The following PROS1 variants were observed in gnomAD, a reference collection of about 807,000 sequenced individuals.
The protein encoded by PROS1 is vitamin K-dependent protein S.
A neutral mutation model predicts 75.9 loss-of-function variants in PROS1; 29 were observed. The ratio of observed to expected loss-of-function variants is 0.38; its 90% CI spans 0.28 to 0.52. PROS1 has a LOEUF of 0.52. PROS1 is among the 20% of genes least tolerant of loss of function. The pLI, the probability that PROS1 is intolerant of heterozygous loss-of-function variation, is 0.83. For synonymous variants in PROS1, 245 were observed against 280.6 expected (o/e 0.87, Z 1.27); for missense variants, 680 against 810.3 (o/e 0.84, Z 1.95).
At chr3:93,884,595 T>G in intron 12 of PROS1, 133 bp downstream of exon 12, 2 of 1,033,252 alleles carry the variant, frequency 1.9e-6, no homozygotes, top group Non-Finnish European at 2.8e-6. Flanking sequence ...TATATAATAG[T>G]ATGAATAAGC....
At chr3:93,957,658 A>T (rs1354964151) in intron 1 of PROS1, among the ~76,000 whole-genome samples, 1 of 152,208 alleles carries the variant, frequency 6.6e-6, no homozygotes, top group Non-Finnish European at 1.5e-5. Flanking sequence ...TCAAAACACT[A>T]CATTGTACCC....
chr3:93,967,192 C>T (rs1314771439), intron 1 of PROS1, among the ~76,000 whole-genome samples: 1 of 152,134 alleles, frequency 6.6e-6, no homozygotes, highest in Non-Finnish European at 1.5e-5. Context: ...ATTGCTATTC[C>T]TCGAGCTGCT....
chr3:93,910,719 C>T lies in PROS1; in HGVS notation c.260-14G>A. 7.5e-6 allele frequency: 12 copies of T among 1,596,350 alleles called. No homozygotes were observed. Among genetic ancestry groups the T allele is most frequent in the Non-Finnish European group, 1.0e-5 (12 of 1,166,154 alleles). On this transcript the variant is annotated splice_polypyrimidine_tract_variant and intron_variant, in intron 3 of 14. Coordinates refer to ENST00000394236, the MANE Select transcript of PROS1 (RefSeq NM_000313.4). ...AGCGAAGACAAACTGAAAATAAAAA[C>T]AAACATAATCTTCTTAGAGTAGACA... is the stretch of plus-strand genomic sequence containing the variant.
At position 93,874,199 on chromosome 3, in the gene PROS1, A is replaced by G. The variant is rs539591634; in HGVS notation, c.*46T>C. 13 of 1,602,496 alleles carry G rather than the reference A, an allele frequency of 8.1e-6. No homozygotes were observed. In the East Asian group the frequency reaches 2.5e-4, roughly 30 times the overall value. ...CTTCAGCTGTTATTGAAACATAAGT[A>G]TAATTACACACAAGGAAAAGGTATT... On this transcript the variant is annotated 3_prime_UTR_variant, in exon 15 of 15. Coordinates refer to ENST00000394236, the MANE Select transcript of PROS1 (RefSeq NM_000313.4).
rs13080445 is a variant in PROS1, at chr3:93,927,081, C to T, written c.234+169G>A. Among the ~76,000 whole-genome samples, 10,622 of 152,278 alleles carry T rather than the reference C, an allele frequency of 0.07. 456 individuals are homozygous for T. Among genetic ancestry groups the T allele is most frequent in the Middle Eastern group, 0.19 (57 of 294 alleles). On this transcript the variant is annotated intron_variant, in intron 2 of 14. Coordinates refer to ENST00000394236, the MANE Select transcript of PROS1 (RefSeq NM_000313.4). Reference sequence around the variant, plus strand: ...GGTGATCATGTCTGCCTAACAAGCCCACTTTCCTTTGAAGGTACTTCCTCC... The same window carrying T: ...GGTGATCATGTCTGCCTAACAAGCCTACTTTCCTTTGAAGGTACTTCCTCC...
chr3:93,935,415 T>G (rs960466043), intron 1 of PROS1, among the ~76,000 whole-genome samples: 3 of 152,210 alleles, frequency 2.0e-5, no homozygotes, highest in African/African-American at 7.2e-5. Flanking sequence ...AATGTTTTGT[T>G]TTTGTTCTAT....
chr3:93,920,703 T>C (rs1708934403), intron 3 of PROS1, among the ~76,000 whole-genome samples: 1 of 152,178 alleles, frequency 6.6e-6, no homozygotes, highest in Non-Finnish European at 1.5e-5. Flanking sequence ...TTCTCAACCA[T>C]AAAGAAACTA....
chr3:93,937,003 T>C (rs951415332), intron 1 of PROS1, among the ~76,000 whole-genome samples: 8 of 152,200 alleles, frequency 5.3e-5, no homozygotes, highest in Non-Finnish European at 8.8e-5. Flanking sequence ...GGAAAGCTGA[T>C]GAGAACCTGT....
intron 1 of PROS1, among the ~76,000 whole-genome samples, chr3:93,948,568 CAT>C (rs1709442673): frequency 1.3e-5 from 2 of 152,110 alleles, no homozygotes; most frequent in Admixed American, 1.3e-4. Flanking sequence ...AGCCAATAAA[CAT>C]ATGATGTAAT....
intron 1 of PROS1, among the ~76,000 whole-genome samples, chr3:93,955,661 C>T (rs560559336): frequency 3.3e-5 from 5 of 151,320 alleles, no homozygotes; most frequent in Non-Finnish European, 5.9e-5. Flanking sequence ...ACCAACATGG[C>T]ACATGTATAC....
intron 6 of PROS1, among the ~76,000 whole-genome samples, chr3:93,903,900 G>A (rs1708634164): frequency 6.6e-6 from 1 of 151,512 alleles, no homozygotes; most frequent in Admixed American, 6.6e-5. Flanking sequence ...GTGCCATGCT[G>A]GCACGCTGCA....
chr3:93,892,269 G>T (rs1708440796), intron 10 of PROS1, among the ~76,000 whole-genome samples: 1 of 151,996 alleles, frequency 6.6e-6, no homozygotes, highest in Admixed American at 6.6e-5. Context: ...GGTGGAGGTT[G>T]CAGTGAGGCA....
rs138048429 is a variant in PROS1, at chr3:93,894,442, G to T, written c.966-1320C>A. ...TTCATAATTATCTGAGCATTTTGCT[G>T]ATGTGAAGCAATATTATCTTGCCAA... On this transcript the variant is annotated intron_variant, in intron 9 of 14. Coordinates refer to ENST00000394236, the MANE Select transcript of PROS1 (RefSeq NM_000313.4). 2.3e-3 allele frequency among the ~76,000 whole-genome samples: 344 copies of T among 152,266 alleles called. 3 individuals carry two copies. The highest frequency in any genetic ancestry group is 7.9e-3 in the African/African-American group (329 of 41,562).
intron 6 of PROS1, among the ~76,000 whole-genome samples, chr3:93,905,266 A>G (rs1708655931): frequency 6.6e-6 from 1 of 152,246 alleles, no homozygotes. Flanking sequence ...ACAAGTGTGT[A>G]CACGCACATA....
chr3:93,874,219 G>T lies in PROS1; in HGVS notation c.*26C>A, dbSNP rs1216417690. On this transcript the variant is annotated 3_prime_UTR_variant, in exon 15 of 15. Transcript: ENST00000394236. ...TAAGTATAATTACACACAAGGAAAA[G>T]GTATTATAAGCAGAGAAAAGATGCC... The T allele has an allele frequency of 6.2e-7, 1 of 1,611,612 alleles. No individual in the cohort carries two copies. The highest frequency in any genetic ancestry group is 8.5e-7 in the Non-Finnish European group (1 of 1,177,994).
At chr3:93,938,487 T>G (rs4414894) in intron 1 of PROS1, among the ~76,000 whole-genome samples, 120,101 of 152,020 alleles carry the variant, frequency 0.79, 47,611 homozygotes, top group Non-Finnish European at 0.82. Flanking sequence ...TCCAGAGACT[T>G]GTCCCCTGTC....
intron 1 of PROS1, among the ~76,000 whole-genome samples, chr3:93,931,770 C>T (rs1002192000): frequency 3.9e-5 from 6 of 152,152 alleles, no homozygotes; most frequent in East Asian, 3.9e-4. Flanking sequence ...AAAGAACACT[C>T]GGTCAAAGAG....
In PROS1 at chr3:93,874,023, AT is replaced by A. The variant is rs776969264; in HGVS notation, c.*221del. The stretch of plus-strand genomic sequence containing the variant: ...AAAAAAATTCAAATTTAAAATTGTT[AT>A]TTTTCACTATTCTTAGATAGCAAGA... On this transcript the variant is annotated 3_prime_UTR_variant, in exon 15 of 15. Transcript: ENST00000394236. 8.3e-5 allele frequency: 40 copies of A among 479,206 alleles called. No individual in the cohort carries two copies. The highest frequency in any genetic ancestry group is 1.3e-4 in the Non-Finnish European group (38 of 283,794). 29.7% of individuals were successfully genotyped at this position (479,206 alleles called of 1,614,324 possible). A position where few individuals can be genotyped will look rare whatever the true frequency, so the allele number is the denominator to read the frequency against.
intron 1 of PROS1, among the ~76,000 whole-genome samples, chr3:93,956,182 T>G (rs1234294772): frequency 1.3e-5 from 2 of 152,202 alleles, no homozygotes; most frequent in African/African-American, 4.8e-5. Flanking sequence ...GTAGTATCTT[T>G]TATTGGTATC....
Sources: allele counts gnomAD v4.1 joint callset (sites outside exome capture counted in the v4.1 genomes callset), GRCh38; gene constraint gnomAD v4.1.1; transcripts MANE v1.5; gene names NCBI Gene and HGNC (gene_info 2026-07-23, HGNC 2026-07-21).